The following ADAM17 variants were observed in gnomAD, a reference collection of about 807,000 sequenced individuals.
ADAM17 encodes ADAM metallopeptidase domain 17.
In ADAM17, 39 loss-of-function variants were observed where a neutral mutation model predicts 96.7. That is an observed-to-expected ratio of 0.40 (90% CI 0.31 to 0.53). The LOEUF is 0.53. Among genes scored for constraint, ADAM17 ranks in the 20% least tolerant of loss-of-function variants. ADAM17 has a pLI of 0.44. For synonymous variants in ADAM17, 344 were observed against 359.2 expected (o/e 0.96, Z 0.48); for missense variants, 777 against 1,013.2 (o/e 0.77, Z 3.17).
At chr2:9,514,211 A>G (rs1265942466) in intron 10 of ADAM17, among the ~76,000 whole-genome samples, 2 of 151,532 alleles carry the variant, frequency 1.3e-5, no homozygotes, top group East Asian at 3.9e-4. Flanking sequence ...CTTCGTAGGG[A>G]CATGGATGAA....
chr2:9,498,103 T>C (rs949636006), intron 13 of ADAM17, among the ~76,000 whole-genome samples: 2 of 152,150 alleles, frequency 1.3e-5, no homozygotes, highest in African/African-American at 2.4e-5. Flanking sequence ...GATCATAGCT[T>C]ACTGCAGCCT....
chr2:9,532,972 C>T (rs1238610150), intron 4 of ADAM17, among the ~76,000 whole-genome samples: 4 of 152,046 alleles, frequency 2.6e-5, no homozygotes, highest in Non-Finnish European at 1.5e-5. Context: ...GGGCAGATCA[C>T]GAGGTCAGGA....
At chr2:9,493,613 T>A in intron 16 of ADAM17, 134 bp downstream of exon 16, 1 of 704,628 alleles carries the variant, frequency 1.4e-6, no homozygotes, top group Non-Finnish European at 2.3e-6. Flanking sequence ...AACAAAGTTG[T>A]TTCATAACTA....
At chr2:9,553,461 G>C (rs1377812171) in intron 1 of ADAM17, among the ~76,000 whole-genome samples, 1 of 151,606 alleles carries the variant, frequency 6.6e-6, no homozygotes, top group Non-Finnish European at 1.5e-5. Flanking sequence ...ATCACCTGAG[G>C]TCAGGAGTTC....
intron 2 of ADAM17, among the ~76,000 whole-genome samples, chr2:9,541,448 A>G (rs925376090): frequency 6.6e-6 from 1 of 152,148 alleles, no homozygotes; most frequent in Non-Finnish European, 1.5e-5. Context: ...CTGTAATCCC[A>G]GCTACTCGGG....
At chr2:9,518,049 C>A in intron 9 of ADAM17, 54 bp downstream of exon 9, 1 of 1,568,222 alleles carries the variant, frequency 6.4e-7, no homozygotes, top group Non-Finnish European at 8.6e-7. Flanking sequence ...TAATATAATC[C>A]AATCATCTTA....
At chr2:9,503,648 G>A (rs1486025951) in intron 12 of ADAM17, among the ~76,000 whole-genome samples, 1 of 152,086 alleles carries the variant, frequency 6.6e-6, no homozygotes, top group African/African-American at 2.4e-5. Flanking sequence ...AGACCAGCCT[G>A]GCCAACATGG....
intron 8 of ADAM17, among the ~76,000 whole-genome samples, chr2:9,519,089 A>T (rs1328874826): frequency 6.6e-6 from 1 of 152,084 alleles, no homozygotes; most frequent in Non-Finnish European, 1.5e-5. Context: ...TATTTTTTGT[A>T]CAACATGTTG....
intron 10 of ADAM17, among the ~76,000 whole-genome samples, chr2:9,516,437 A>G (rs1664062754): frequency 6.6e-6 from 1 of 152,072 alleles, no homozygotes; most frequent in Non-Finnish European, 1.5e-5. Context: ...TGTCTTTTGC[A>G]AATGTTTTCC....
intron 1 of ADAM17, among the ~76,000 whole-genome samples, chr2:9,549,268 G>A (rs1197835390): frequency 6.6e-6 from 1 of 152,156 alleles, no homozygotes; most frequent in Non-Finnish European, 1.5e-5. Flanking sequence ...CTACTCAGAA[G>A]CCTGAGGCAG....
intron 6 of ADAM17, among the ~76,000 whole-genome samples, chr2:9,525,330 A>G (rs6432014): frequency 0.63 from 94,756 of 149,230 alleles, 31,625 homozygotes; most frequent in Middle Eastern, 0.76. Flanking sequence ...ACTTGACATG[A>G]AAGGGAAGGG....
chr2:9,529,585 G>C (rs1385162776), intron 4 of ADAM17, among the ~76,000 whole-genome samples: 2 of 152,190 alleles, frequency 1.3e-5, no homozygotes, highest in African/African-American at 4.8e-5. Flanking sequence ...TAGGGAGGAA[G>C]GGGGAAGTAT....
chr2:9,509,704 G>C (rs1392225999), intron 11 of ADAM17, among the ~76,000 whole-genome samples: 1 of 151,904 alleles, frequency 6.6e-6, no homozygotes, highest in Non-Finnish European at 1.5e-5. Flanking sequence ...CTGAAATCCA[G>C]AACTCCAAAA....
chr2:9,538,669 C>T (rs1665085543), intron 2 of ADAM17, among the ~76,000 whole-genome samples: 1 of 152,142 alleles, frequency 6.6e-6, no homozygotes. Flanking sequence ...CATTAAGAAT[C>T]TTTTCTAAAG....
chr2:9,502,912 A>G (rs1663102279), intron 12 of ADAM17, among the ~76,000 whole-genome samples: 2 of 142,400 alleles, frequency 1.4e-5, no homozygotes, highest in South Asian at 4.6e-4. Flanking sequence ...AAGATGAGGC[A>G]GGTGGACCAC....
chr2:9,544,100 T>G (rs572640817), intron 1 of ADAM17, among the ~76,000 whole-genome samples: 2 of 152,216 alleles, frequency 1.3e-5, no homozygotes, highest in African/African-American at 4.8e-5. Context: ...CCCAAACCCC[T>G]TCTTTATCCT....
chr2:9,521,184 C>T lies in ADAM17; in HGVS notation c.957+19G>A. On this transcript the variant is annotated intron_variant, in intron 8 of 18. Transcript: ENST00000310823. The stretch of plus-strand genomic sequence containing the variant: ...TGACAAAGTGGTGTTAGCACCATAT[C>T]CAGGATTCTAAGACCTACCTCTAGC... 1.3e-6 allele frequency: 2 copies of T among 1,522,794 alleles called. No homozygotes were observed. The highest frequency in any genetic ancestry group is 1.8e-6 in the Non-Finnish European group (2 of 1,097,994). The allele number at this position is 1,522,794 out of a possible 1,614,324, so 94.3% of individuals were successfully genotyped here. A position where few individuals can be genotyped will look rare whatever the true frequency, so the allele number is the denominator to read the frequency against.
rs766958722 is a variant in ADAM17, at chr2:9,488,512, C to T, written c.*1665G>A. 9.9e-5 allele frequency: 48 copies of T among 482,708 alleles called. No homozygotes were observed. The highest frequency in any genetic ancestry group is 1.5e-4 in the Non-Finnish European group (42 of 276,956). 29.9% of individuals were successfully genotyped at this position (482,708 alleles called of 1,614,324 possible). On this transcript the variant is annotated 3_prime_UTR_variant, in exon 19 of 19. Coordinates refer to ENST00000310823, the MANE Select transcript of ADAM17 (RefSeq NM_003183.6). Reference sequence around the variant, plus strand: ...TGTGTTTCGACAGTATTTATTAATGCAGATATCAGTGCTACAGCTATAAAA... The same window carrying T: ...TGTGTTTCGACAGTATTTATTAATGTAGATATCAGTGCTACAGCTATAAAA...
chr2:9,550,440 T>C (rs895198585), intron 1 of ADAM17, among the ~76,000 whole-genome samples: 2 of 21,948 alleles, frequency 9.1e-5, no homozygotes, highest in African/African-American at 2.9e-4. Context: ...ATACTCATTC[T>C]TTTTTTTTTT....
Sources: allele counts gnomAD v4.1 joint callset (sites outside exome capture counted in the v4.1 genomes callset), GRCh38; gene constraint gnomAD v4.1.1; transcripts MANE v1.5; gene names NCBI Gene and HGNC (gene_info 2026-07-23, HGNC 2026-07-21).